SLC8A3: variants seen among roughly 807,000 people sequenced by gnomAD.
SLC8A3 encodes the protein solute carrier family 8 member A3, also known as sodium/calcium exchanger 3.
A neutral mutation model predicts 65.4 loss-of-function variants in SLC8A3; 37 were observed. That is an observed-to-expected ratio of 0.57 (90% CI 0.44 to 0.74). The LOEUF (loss-of-function observed/expected upper bound fraction) is 0.74. Ranked by LOEUF, SLC8A3 falls within the 30% of genes least tolerant of loss-of-function variation. The pLI is 0.00. For missense variants in SLC8A3, 1,112 were observed against 1,172.1 expected, an observed-to-expected ratio of 0.95 and a Z score of 0.75; for synonymous variants, 461 against 444.5, an observed-to-expected ratio of 1.04 and a Z score of -0.47.
intron 2 of SLC8A3, among the ~76,000 whole-genome samples, chr14:70,133,074 G>A (rs991664343): frequency 1.4e-5 from 2 of 138,508 alleles, no homozygotes; most frequent in African/African-American, 5.6e-5. Context: ...TGCAGCCCCT[G>A]AGACCAAACA....
intron 2 of SLC8A3, among the ~76,000 whole-genome samples, chr14:70,140,440 T>A (rs7158942): frequency 0.19 from 28,885 of 152,142 alleles, 3,271 homozygotes; most frequent in East Asian, 0.38. Flanking sequence ...ATCATGGCTC[T>A]GAACTCCTGC....
intron 2 of SLC8A3, among the ~76,000 whole-genome samples, chr14:70,125,721 A>G (rs771175333): frequency 2.0e-5 from 3 of 152,064 alleles, no homozygotes; most frequent in Non-Finnish European, 4.4e-5. Flanking sequence ...ATCATATGGT[A>G]GTTCTATTTT....
upstream of SLC8A3, among the ~76,000 whole-genome samples, chr14:70,189,312 G>T (rs1883620805): frequency 6.6e-6 from 1 of 152,212 alleles, no homozygotes; most frequent in African/African-American, 2.4e-5. Flanking sequence ...TCCTGACCTG[G>T]ATTCCGCCGA....
At chr14:70,177,612 C>A (rs1897986278) in intron 1 of SLC8A3, among the ~76,000 whole-genome samples, 1 of 152,176 alleles carries the variant, frequency 6.6e-6, no homozygotes, top group Admixed American at 6.5e-5. Context: ...GAATCCCATG[C>A]TAAAGGGCAT....
intron 6 of SLC8A3, chr14:70,048,466 T>A (rs1002160654): frequency 1.3e-5 from 8 of 598,714 alleles, no homozygotes; most frequent in Non-Finnish European, 1.2e-5. Context: ...TCTTTGTCTG[T>A]GAAGTGGGGA....
Position 70,045,552 on chromosome 14 carries a change from A to G in SLC8A3, c.*395T>C, listed in dbSNP as rs978110123. ...TTGTCAGCTGAGTGAGATAATAGGG[A>G]CATATGGAATTGGGCAGAGAGGAGA... On this transcript the variant is annotated 3_prime_UTR_variant, in exon 7 of 7. Transcript: ENST00000356921. The G allele has an allele frequency of 6.0e-6, 1 of 167,692 alleles. No individual in the cohort carries two copies. Among genetic ancestry groups the G allele is most frequent in the Non-Finnish European group, 1.3e-5 (1 of 78,264 alleles). The allele number at this position is 167,692 out of a possible 1,614,324, so 10.4% of individuals were successfully genotyped here. A position where few individuals can be genotyped will look rare whatever the true frequency, so the allele number is the denominator to read the frequency against.
chr14:70,125,765 T>C (rs1894403577), intron 2 of SLC8A3, among the ~76,000 whole-genome samples: 1 of 152,182 alleles, frequency 6.6e-6, no homozygotes, highest in African/African-American at 2.4e-5. Flanking sequence ...GGAGCTTTTT[T>C]TTAAAAAAGA....
intron 2 of SLC8A3, among the ~76,000 whole-genome samples, chr14:70,094,056 C>A (rs760094666): frequency 7.2e-5 from 11 of 152,208 alleles, no homozygotes; most frequent in Non-Finnish European, 2.9e-5. Flanking sequence ...GCCAGGGGAG[C>A]CCCATCTAGT....
At chr14:70,160,767 G>T (rs1282272317) in intron 2 of SLC8A3, among the ~76,000 whole-genome samples, 1 of 151,726 alleles carries the variant, frequency 6.6e-6, no homozygotes, top group African/African-American at 2.4e-5. Context: ...GAGTTTTGCA[G>T]ATGTGATAGG....
At chr14:70,076,990 A>T (rs1197879923) in intron 2 of SLC8A3, among the ~76,000 whole-genome samples, 1 of 152,198 alleles carries the variant, frequency 6.6e-6, no homozygotes, top group African/African-American at 2.4e-5. Flanking sequence ...CAATAATAAA[A>T]CCTACCTAAC....
chr14:70,094,825 A>G (rs1892045263), intron 2 of SLC8A3, among the ~76,000 whole-genome samples: 1 of 152,226 alleles, frequency 6.6e-6, no homozygotes, highest in Non-Finnish European at 1.5e-5. Flanking sequence ...TATGTTTTCA[A>G]AGCACTTTCT....
chr14:70,091,074 A>T (rs1594967857), intron 2 of SLC8A3, among the ~76,000 whole-genome samples: 1 of 152,194 alleles, frequency 6.6e-6, no homozygotes, highest in East Asian at 1.9e-4. Context: ...GAATGTGAGG[A>T]AAACAGCTGC....
chr14:70,137,082 AC>A (rs1378833629), intron 2 of SLC8A3, among the ~76,000 whole-genome samples: 1 of 152,154 alleles, frequency 6.6e-6, no homozygotes, highest in Non-Finnish European at 1.5e-5. Flanking sequence ...GGCCTCTAAG[AC>A]CTAAAAACAC....
chr14:70,096,048 A>G (rs1157673978), intron 2 of SLC8A3, among the ~76,000 whole-genome samples: 1 of 151,924 alleles, frequency 6.6e-6, no homozygotes, highest in African/African-American at 2.4e-5. Context: ...CGCCCAGCTA[A>G]TTTTTGTATT....
intron 2 of SLC8A3, among the ~76,000 whole-genome samples, chr14:70,157,669 C>G (rs1896652524): frequency 6.6e-6 from 1 of 152,188 alleles, no homozygotes; most frequent in South Asian, 2.1e-4. Flanking sequence ...AGGGAGAGCA[C>G]TGGAGACAGA....
At chr14:70,139,498 C>G (rs1178458178) in intron 2 of SLC8A3, among the ~76,000 whole-genome samples, 3 of 152,198 alleles carry the variant, frequency 2.0e-5, no homozygotes, top group Non-Finnish European at 2.9e-5. Context: ...CCTGCAGCTT[C>G]TCGCCCAGCA....
chr14:70,136,004 T>C (rs1459224232), intron 2 of SLC8A3, among the ~76,000 whole-genome samples: 1 of 152,182 alleles, frequency 6.6e-6, no homozygotes, highest in Non-Finnish European at 1.5e-5. Flanking sequence ...ATATCTCATG[T>C]ACCCCAAAAC....
chr14:70,089,577 G>A (rs1359429788), intron 2 of SLC8A3, among the ~76,000 whole-genome samples: 1 of 152,174 alleles, frequency 6.6e-6, no homozygotes, highest in African/African-American at 2.4e-5. Flanking sequence ...ACACTTTCAA[G>A]TTGGGCATGC....
At position 70,046,476 on chromosome 14, in the gene SLC8A3, C is replaced by T. The variant is rs953868194; in HGVS notation, c.2390-153G>A. 31 of 732,100 alleles carry T rather than the reference C, an allele frequency of 4.2e-5. No individual in the cohort carries two copies. Among genetic ancestry groups the T allele is most frequent in the Non-Finnish European group, 6.5e-5 (30 of 459,094 alleles). 45.4% of individuals were successfully genotyped at this position (732,100 alleles called of 1,614,324 possible). A position where few individuals can be genotyped will look rare whatever the true frequency, so the allele number is the denominator to read the frequency against. On this transcript the variant is annotated intron_variant, in intron 6 of 6. Transcript: ENST00000356921. This position sits in a 1 kb window ranked among gnomAD's most constrained non-coding sequence, Gnocchi z 4.2. Reference sequence around the variant, plus strand: ...GGCCACTCCTAACTCCTAGTTCTGCCGCAAGCAAGCCGTGTGGCCCTGGGT... The same window carrying T: ...GGCCACTCCTAACTCCTAGTTCTGCTGCAAGCAAGCCGTGTGGCCCTGGGT...
Sources: gnomAD v4.1 joint callset for allele counts (sites outside exome capture counted in the v4.1 genomes callset) on GRCh38, gnomAD v4.1.1 for gene constraint, Gnocchi (gnomAD v3.1) non-coding constraint, MANE v1.5 for transcripts, NCBI Gene and HGNC (gene_info 2026-07-23, HGNC 2026-07-21) for gene names.